CSMD1: variants seen among roughly 807,000 people sequenced by gnomAD.
CSMD1 encodes CUB and sushi domain-containing protein 1.
In CSMD1, 213 loss-of-function variants were observed where a neutral mutation model predicts 417.5. The observed-to-expected ratio is 0.51, with a 90% CI of 0.46 to 0.57. CSMD1 has a LOEUF of 0.57. Ranked by LOEUF, CSMD1 falls within the 20% of genes least tolerant of loss-of-function variation. CSMD1 has a pLI of 0.00. For synonymous variants in CSMD1, 2,862 were observed against 1,736.8 expected (o/e 1.65, Z -16.11); for missense variants, 6,923 against 4,529.7 (o/e 1.53, Z -15.17).
intron 69 of CSMD1, among the ~76,000 whole-genome samples, chr8:2,940,348 T>C (rs1440826634): frequency 6.6e-6 from 1 of 152,168 alleles, no homozygotes; most frequent in African/African-American, 2.4e-5. Flanking sequence ...ATAGCCGTCC[T>C]CTTGAGAACT....
intron 1 of CSMD1, among the ~76,000 whole-genome samples, chr8:4,948,884 A>T (rs1214208434): frequency 1.3e-5 from 2 of 152,154 alleles, no homozygotes; most frequent in Non-Finnish European, 2.9e-5. Context: ...TTTTAGATAA[A>T]AGACCATGTT....
intron 8 of CSMD1, among the ~76,000 whole-genome samples, chr8:3,604,897 G>GCTTGGGCTTGTTTGACA (rs1489109589): frequency 1.3e-5 from 2 of 152,090 alleles, no homozygotes; most frequent in Non-Finnish European, 2.9e-5. Flanking sequence ...CTGCTTTTGG[G>GCTTGGGCTTGTTTGACA]CTTGGGCTTG....
At chr8:4,120,638 C>G (rs1319763558) in intron 3 of CSMD1, among the ~76,000 whole-genome samples, 1 of 152,212 alleles carries the variant, frequency 6.6e-6, no homozygotes, top group Admixed American at 6.5e-5. Context: ...TGCCACTGGC[C>G]TTCTCTAGTC....
At chr8:4,176,585 G>C (rs1301308998) in intron 3 of CSMD1, among the ~76,000 whole-genome samples, 1 of 147,720 alleles carries the variant, frequency 6.8e-6, no homozygotes, top group Admixed American at 6.9e-5. Flanking sequence ...CCCTCTAGTA[G>C]AAGGGACATA....
chr8:3,466,334 T>A (rs1235749764), intron 12 of CSMD1, among the ~76,000 whole-genome samples: 1 of 152,130 alleles, frequency 6.6e-6, no homozygotes, highest in Non-Finnish European at 1.5e-5. Flanking sequence ...ACACTAGATG[T>A]TAGTGAAAAT....
chr8:4,369,221 T>C (rs1450573452), intron 3 of CSMD1, among the ~76,000 whole-genome samples: 1 of 152,192 alleles, frequency 6.6e-6, no homozygotes, highest in Non-Finnish European at 1.5e-5. Context: ...AGTCATTTGG[T>C]GTCAAGTTCA....
chr8:4,652,601 G>A (rs987297688), intron 1 of CSMD1, among the ~76,000 whole-genome samples: 14 of 151,940 alleles, frequency 9.2e-5, no homozygotes, highest in Admixed American at 3.9e-4. Flanking sequence ...GCAGTGGGCC[G>A]AGATCAAGCC....
At chr8:3,619,917 C>T (rs748169202) in intron 7 of CSMD1, among the ~76,000 whole-genome samples, 1 of 152,074 alleles carries the variant, frequency 6.6e-6, no homozygotes, top group African/African-American at 2.4e-5. Context: ...GCCTGGCCAA[C>T]ATAGTGAAAC....
chr8:3,384,745 T>C (rs1445037728), intron 18 of CSMD1, among the ~76,000 whole-genome samples: 29 of 123,980 alleles, frequency 2.3e-4, no homozygotes, highest in Admixed American at 6.0e-4. Context: ...TATATAAATA[T>C]ATATTTATAT....
chr8:4,051,628 G>A (rs972505275), intron 3 of CSMD1, among the ~76,000 whole-genome samples: 2 of 152,208 alleles, frequency 1.3e-5, no homozygotes, highest in South Asian at 2.1e-4. Flanking sequence ...TTTCTGTGGG[G>A]CCCTAGAAAA....
intron 5 of CSMD1, among the ~76,000 whole-genome samples, chr8:3,760,128 C>T (rs1238851200): frequency 6.6e-6 from 1 of 151,944 alleles, no homozygotes; most frequent in Non-Finnish European, 1.5e-5. Context: ...GAGTAACAGG[C>T]TGAGAAAGGG....
chr8:4,630,158 A>T (rs1449475538), intron 2 of CSMD1, among the ~76,000 whole-genome samples: 1 of 152,120 alleles, frequency 6.6e-6, no homozygotes, highest in Non-Finnish European at 1.5e-5. Context: ...TCCTCATAGT[A>T]TTGCAAACAT....
rs34005059 is a variant in CSMD1 at position 3,940,497 on chromosome 8, C to CTGTGTGTG, written c.818+57398_818+57405dup. ...TTCAGTAAAATTTAAATTATTTCCTCTGTGTGTGTGTGTGTGTGTGTGTGT... is the reference window on the plus strand; with the variant it reads ...TTCAGTAAAATTTAAATTATTTCCTCTGTGTGTGTGTGTGTGTGTGTGTGTGTGTGTGT... On this transcript the variant is annotated intron_variant, in intron 5 of 69. Transcript: ENST00000635120. Among the ~76,000 whole-genome samples, 164 of 145,040 alleles carry CTGTGTGTG rather than the reference C, an allele frequency of 1.1e-3. 1 individual carries two copies. The highest frequency in any genetic ancestry group is 7.0e-3 in the Middle Eastern group (2 of 286).
chr8:3,050,886 T>C (rs1051619237), intron 50 of CSMD1, among the ~76,000 whole-genome samples: 29 of 152,212 alleles, frequency 1.9e-4, no homozygotes, highest in African/African-American at 6.5e-4. Context: ...TTGAAGACTA[T>C]GTGAATCCTT....
intron 1 of CSMD1, among the ~76,000 whole-genome samples, chr8:4,901,716 A>C (rs1332219026): frequency 2.6e-5 from 4 of 152,212 alleles, no homozygotes; most frequent in Non-Finnish European, 5.9e-5. Flanking sequence ...AGCATAGAGC[A>C]TAGAGGATGC....
At chr8:3,327,065 A>T (rs976779998) in intron 23 of CSMD1, among the ~76,000 whole-genome samples, 1 of 152,198 alleles carries the variant, frequency 6.6e-6, no homozygotes, top group African/African-American at 2.4e-5. Flanking sequence ...AAGGTTGGCA[A>T]GGATTCAATC....
At chr8:3,397,742 C>A (rs543666504) in intron 16 of CSMD1, among the ~76,000 whole-genome samples, 8 of 152,318 alleles carry the variant, frequency 5.3e-5, no homozygotes, top group African/African-American at 1.9e-4. Flanking sequence ...TGAGGACTGA[C>A]AAAGTGCCTA....
At chr8:4,152,312 C>A (rs1441710337) in intron 3 of CSMD1, among the ~76,000 whole-genome samples, 1 of 152,090 alleles carries the variant, frequency 6.6e-6, no homozygotes, top group Non-Finnish European at 1.5e-5. Flanking sequence ...TATAAATCAG[C>A]TTTTTGAATT....
At chr8:4,200,945 A>G (rs143546164) in intron 3 of CSMD1, among the ~76,000 whole-genome samples, 200 of 152,302 alleles carry the variant, frequency 1.3e-3, no homozygotes, top group African/African-American at 4.2e-3. Context: ...TCTAATCTCC[A>G]TAACTAAATG....
Sources: allele counts gnomAD v4.1 joint callset (sites outside exome capture counted in the v4.1 genomes callset), GRCh38; gene constraint gnomAD v4.1.1; transcripts MANE v1.5; gene names NCBI Gene and HGNC (gene_info 2026-07-23, HGNC 2026-07-21).